Variants in VMP1 observed in about 807,000 individuals in gnomAD.
The protein encoded by VMP1 is vacuole membrane protein 1.
A neutral mutation model predicts 56.0 loss-of-function variants in VMP1; 11 were observed. That is an observed-to-expected ratio of 0.20 (90% CI 0.12 to 0.32). VMP1 has a LOEUF of 0.32. Ranked by LOEUF, VMP1 falls within the 10% of genes least tolerant of loss-of-function variation. The probability of loss-of-function intolerance (pLI) is 1.00; values close to 1 mark genes in which losing one functional copy is unlikely to be tolerated. For synonymous variants in VMP1, 149 were observed against 165.0 expected (o/e 0.90, Z 0.74); for missense variants, 296 against 490.3 (o/e 0.60, Z 3.74).
intron 10 of VMP1, among the ~76,000 whole-genome samples, chr17:59,826,504 G>A (rs1318988856): frequency 1.3e-5 from 2 of 152,118 alleles, no homozygotes; most frequent in African/African-American, 4.8e-5. Flanking sequence ...TTAAATAGGA[G>A]GGACCAGTGT....
chr17:59,727,870 G>A (rs974688609), intron 1 of VMP1, among the ~76,000 whole-genome samples: 1 of 152,136 alleles, frequency 6.6e-6, no homozygotes, highest in Admixed American at 6.6e-5. Context: ...TCCTCATTTT[G>A]TGAATCCAAA....
At chr17:59,839,444 C>A in intron 11 of VMP1, 1 of 266,258 alleles carries the variant, frequency 3.8e-6, no homozygotes, top group South Asian at 6.5e-5. Context: ...TGACAATACT[C>A]ATGAGTATCT....
At chr17:59,764,288 G>T (rs1002206828) in intron 5 of VMP1, among the ~76,000 whole-genome samples, 18 of 152,108 alleles carry the variant, frequency 1.2e-4, no homozygotes, top group African/African-American at 4.3e-4. Context: ...GGTTGCCGGG[G>T]ACTAGGACTT....
At chr17:59,766,700 T>C (rs1045657737) in intron 6 of VMP1, among the ~76,000 whole-genome samples, 2 of 152,204 alleles carry the variant, frequency 1.3e-5, no homozygotes, top group African/African-American at 4.8e-5. Flanking sequence ...TGCTTAAGTT[T>C]ATTTTACAAA....
At chr17:59,726,807 G>T (rs1012599965) in intron 1 of VMP1, among the ~76,000 whole-genome samples, 1 of 152,042 alleles carries the variant, frequency 6.6e-6, no homozygotes, top group Non-Finnish European at 1.5e-5. Flanking sequence ...TTATTGTTTT[G>T]TAATTGCTTG....
At chr17:59,837,799 T>G (rs1414765174) in intron 10 of VMP1, 1 of 152,256 alleles carries the variant, frequency 6.6e-6, no homozygotes, top group Non-Finnish European at 1.5e-5. Context: ...AGGGGACAAG[T>G]CAGAGAGAGG....
chr17:59,775,730 C>T (rs1338732089), intron 7 of VMP1, among the ~76,000 whole-genome samples: 2 of 152,308 alleles, frequency 1.3e-5, no homozygotes, highest in South Asian at 2.1e-4. Flanking sequence ...AGACAGTGTC[C>T]TCAAGATGAG....
intron 7 of VMP1, among the ~76,000 whole-genome samples, chr17:59,795,020 G>A (rs1417457997): frequency 1.6e-5 from 2 of 126,348 alleles, no homozygotes; most frequent in African/African-American, 3.2e-5. Flanking sequence ...TTTTTGAGAC[G>A]GAGTTTCGCC....
chr17:59,728,836 A>G (rs2034708155), intron 1 of VMP1, among the ~76,000 whole-genome samples: 1 of 152,164 alleles, frequency 6.6e-6, no homozygotes, highest in South Asian at 2.1e-4. Context: ...CATATCATAT[A>G]ATTCACCCAT....
chr17:59,717,125 GC>G (rs964606380), intron 1 of VMP1, among the ~76,000 whole-genome samples: 4 of 151,732 alleles, frequency 2.6e-5, no homozygotes, highest in African/African-American at 7.3e-5. Context: ...GACTACTGGC[GC>G]CCACCACCAC....
chr17:59,731,347 A>G, intron 1 of VMP1, 74 bp from the exon 2 acceptor site: 1 of 821,432 alleles, frequency 1.2e-6, no homozygotes, highest in Non-Finnish European at 1.9e-6. Flanking sequence ...TTATTCCTGT[A>G]TTCAGTTTTA....
chr17:59,809,752 C>T (rs1222415359), intron 8 of VMP1, among the ~76,000 whole-genome samples: 1 of 150,668 alleles, frequency 6.6e-6, no homozygotes, highest in Non-Finnish European at 1.5e-5. Context: ...GTGATCCGCC[C>T]GCCTCGGCCT....
At chr17:59,813,835 TC>T (rs1223966982) in intron 9 of VMP1, among the ~76,000 whole-genome samples, 1 of 152,188 alleles carries the variant, frequency 6.6e-6, no homozygotes, top group Admixed American at 6.5e-5. Context: ...GCAGTGCCTT[TC>T]TATAAATTAT....
intron 10 of VMP1, among the ~76,000 whole-genome samples, chr17:59,828,098 T>A (rs1344969816): frequency 1.3e-5 from 2 of 152,182 alleles, no homozygotes; most frequent in Non-Finnish European, 2.9e-5. Context: ...AACAGAGTTT[T>A]GTTTTGGCAA....
chr17:59,730,843 GT>G lies in VMP1; in HGVS notation c.-26-567del, dbSNP rs545256374. Among the ~76,000 whole-genome samples the G allele has an allele frequency of 3.8e-3, 537 of 142,502 alleles. 2 individuals carry two copies. Among genetic ancestry groups the G allele is most frequent in the African/African-American group, 0.012 (486 of 39,108 alleles). The allele number at this position is 142,502 out of a possible 152,430, so 93.5% of individuals were successfully genotyped here. On this transcript the variant is annotated intron_variant, in intron 1 of 11. Coordinates refer to ENST00000262291, the MANE Select transcript of VMP1 (RefSeq NM_030938.5). ...AACTATCTTAAACATTTCAAGTTTG[GT>G]TTTTTTTTTTGCCCATATCATTTTA...
At chr17:59,829,383 A>C (rs576519877) in intron 10 of VMP1, among the ~76,000 whole-genome samples, 2 of 152,322 alleles carry the variant, frequency 1.3e-5, no homozygotes, top group East Asian at 3.9e-4. Flanking sequence ...TTTTCCGAGC[A>C]GTCTACCTTA....
intron 5 of VMP1, among the ~76,000 whole-genome samples, chr17:59,749,115 ATT>A (rs34622252): frequency 6.1e-5 from 8 of 131,248 alleles, no homozygotes; most frequent in Admixed American, 1.5e-4. Context: ...ACGCCTGGCT[ATT>A]TTTTTTTTTT....
intron 5 of VMP1, among the ~76,000 whole-genome samples, chr17:59,742,821 T>C (rs765886860): frequency 1.4e-4 from 21 of 152,128 alleles, no homozygotes; most frequent in Non-Finnish European, 2.4e-4. Context: ...CAGATTCTCA[T>C]AGGAGCTCGA....
chr17:59,784,882 TTTA>T (rs2036955215), intron 7 of VMP1: 1 of 152,290 alleles, frequency 6.6e-6, no homozygotes, highest in Admixed American at 6.5e-5. Flanking sequence ...TTAAAATTTT[TTTA>T]TTTTTTTAGA....
Sources: allele counts gnomAD v4.1 joint callset (sites outside exome capture counted in the v4.1 genomes callset), GRCh38; gene constraint gnomAD v4.1.1; transcripts MANE v1.5; gene names NCBI Gene and HGNC (gene_info 2026-07-23, HGNC 2026-07-21).